The following ELAVL2 variants were observed in gnomAD, a reference collection of about 807,000 sequenced individuals.
ELAVL2 encodes the protein ELAV like RNA binding protein 2.
A neutral mutation model predicts 34.6 loss-of-function variants in ELAVL2; 4 were observed. The observed-to-expected ratio is 0.12, with a 90% CI of 0.06 to 0.26. The LOEUF is 0.26. Ranked by LOEUF, ELAVL2 falls within the 10% of genes least tolerant of loss-of-function variation. The pLI is 1.00. For synonymous variants in ELAVL2, 193 were observed against 154.8 expected (o/e 1.25, Z -1.83); for missense variants, 432 against 442.8 (o/e 0.98, Z 0.22).
chr9:23,745,251 G>A (rs550911900), intron 2 of ELAVL2, among the ~76,000 whole-genome samples: 1 of 152,072 alleles, frequency 6.6e-6, no homozygotes, highest in East Asian at 1.9e-4. Context: ...AACTATGGTA[G>A]ATTTTTACAA....
chr9:23,726,734 CATGA>C (rs2045285113), intron 3 of ELAVL2, among the ~76,000 whole-genome samples: 1 of 152,074 alleles, frequency 6.6e-6, no homozygotes, highest in Non-Finnish European at 1.5e-5. Flanking sequence ...GTTTGCTAAT[CATGA>C]ATTTAAGTCT....
chr9:23,698,122 T>C (rs1208749602), intron 5 of ELAVL2, among the ~76,000 whole-genome samples: 2 of 152,200 alleles, frequency 1.3e-5, no homozygotes, highest in Non-Finnish European at 2.9e-5. Flanking sequence ...TAAAGGCTCA[T>C]AGAAGCAGGC....
At chr9:23,724,042 C>T (rs1273040237) in intron 3 of ELAVL2, among the ~76,000 whole-genome samples, 1 of 152,146 alleles carries the variant, frequency 6.6e-6, no homozygotes, top group African/African-American at 2.4e-5. Context: ...ATGCTGGTTA[C>T]AGAAATGAAA....
chr9:23,830,891 G>T (rs540844624), upstream of ELAVL2, among the ~76,000 whole-genome samples: 1 of 151,832 alleles, frequency 6.6e-6, no homozygotes, highest in Admixed American at 6.6e-5. Flanking sequence ...GCGACTAGGC[G>T]AGGGTGAAGG....
intron 1 of ELAVL2, among the ~76,000 whole-genome samples, chr9:23,810,750 C>T (rs1370163138): frequency 1.1e-4 from 17 of 152,158 alleles, no homozygotes; most frequent in Admixed American, 1.0e-3. Context: ...CTCTGAGCTT[C>T]ATTTTCCTCA....
At chr9:23,749,361 C>G (rs1256342576) in intron 2 of ELAVL2, among the ~76,000 whole-genome samples, 18 of 152,174 alleles carry the variant, frequency 1.2e-4, no homozygotes, top group Non-Finnish European at 5.9e-5. Context: ...AACCAATTCT[C>G]TGCTGATTCA....
At position 23,767,513 on chromosome 9, in the gene ELAVL2, G is replaced by A. The variant is rs114595179; in HGVS notation, c.-15-5264C>T. ...CATCTTAAATAGGCCAGACTCGGCGGCTCACGTCTGTAATCCCAGCACTTT... is the reference window on the plus strand; with the variant it reads ...CATCTTAAATAGGCCAGACTCGGCGACTCACGTCTGTAATCCCAGCACTTT... On this transcript the variant is annotated intron_variant, in intron 1 of 6. Transcript: ENST00000397312. 2.0e-3 allele frequency among the ~76,000 whole-genome samples: 307 copies of A among 152,286 alleles called. 1 individual carries two copies. Among genetic ancestry groups the A allele is most frequent in the African/African-American group, 7.2e-3 (298 of 41,558 alleles).
intron 1 of ELAVL2, among the ~76,000 whole-genome samples, chr9:23,781,407 C>T (rs557019789): frequency 6.6e-6 from 1 of 152,138 alleles, no homozygotes; most frequent in Admixed American, 6.5e-5. Context: ...CATGTTTTCA[C>T]CAAACAGATC....
intron 1 of ELAVL2, chr9:23,779,332 A>G: frequency 1.0e-6 from 1 of 985,452 alleles, no homozygotes; most frequent in Non-Finnish European, 1.2e-6. Context: ...AACAAAGGCA[A>G]TTCCAGGGCC....
chr9:23,813,654 G>T (rs1588754423), intron 1 of ELAVL2, among the ~76,000 whole-genome samples: 2 of 152,248 alleles, frequency 1.3e-5, no homozygotes, highest in South Asian at 2.1e-4. Context: ...CAGGGGGGGA[G>T]GAGAGAAAAG....
the ELAVL2 span, among the ~76,000 whole-genome samples, chr9:23,839,422 T>C: frequency 6.6e-5 from 10 of 152,170 alleles, no homozygotes; most frequent in Admixed American, 6.6e-4. Flanking sequence ...GTCCAATTTA[T>C]TGGGCATGAG....
intron 3 of ELAVL2, among the ~76,000 whole-genome samples, chr9:23,723,134 C>T (rs534899305): frequency 1.2e-4 from 18 of 152,144 alleles, no homozygotes; most frequent in Non-Finnish European, 2.1e-4. Context: ...ATGTTTATTG[C>T]GGCACTATTC....
chr9:23,842,605 G>T, the ELAVL2 span, among the ~76,000 whole-genome samples: 1 of 152,012 alleles, frequency 6.6e-6, no homozygotes, highest in Non-Finnish European at 1.5e-5. Flanking sequence ...CACTCAAAGT[G>T]CATTTCTGAG....
intron 5 of ELAVL2, among the ~76,000 whole-genome samples, chr9:23,697,012 T>C (rs564557990): frequency 3.3e-5 from 5 of 152,130 alleles, no homozygotes; most frequent in African/African-American, 1.2e-4. Flanking sequence ...CAGTCCTGTG[T>C]ATCACCTGCC....
At chr9:23,803,595 A>C (rs930370116) in intron 1 of ELAVL2, among the ~76,000 whole-genome samples, 3 of 152,160 alleles carry the variant, frequency 2.0e-5, no homozygotes, top group Non-Finnish European at 4.4e-5. Context: ...AATTGTCCCA[A>C]GGCTGGCTCT....
At chr9:23,694,969 C>A (rs988282008) in intron 5 of ELAVL2, among the ~76,000 whole-genome samples, 1 of 152,002 alleles carries the variant, frequency 6.6e-6, no homozygotes, top group Non-Finnish European at 1.5e-5. Flanking sequence ...ATGTGATGAC[C>A]AAATAAAGAC....
rs2033158437 is a variant in ELAVL2 at position 23,691,503 on chromosome 9, T to C, written c.*1054A>G. Reference sequence around the variant, plus strand: ...TGAGCTCTATCTGAAGGGATTTCTTTAGGAAGAACAGATTTTTTCCCCCAT... The same window carrying C: ...TGAGCTCTATCTGAAGGGATTTCTTCAGGAAGAACAGATTTTTTCCCCCAT... On this transcript the variant is annotated 3_prime_UTR_variant, in exon 7 of 7. Coordinates refer to ENST00000397312, the MANE Select transcript of ELAVL2 (RefSeq NM_004432.5). The C allele has an allele frequency of 6.6e-6, 1 of 152,522 alleles. No individual in the cohort carries two copies. The highest frequency in any genetic ancestry group is 2.1e-4 in the South Asian group (1 of 4,802). 9.4% of individuals were successfully genotyped at this position (152,522 alleles called of 1,614,324 possible). A position where few individuals can be genotyped will look rare whatever the true frequency, so the allele number is the denominator to read the frequency against.
chr9:23,699,548 G>C lies in ELAVL2; in HGVS notation c.713+1831C>G, dbSNP rs139687723. Among the ~76,000 whole-genome samples the C allele has an allele frequency of 1.0e-3, 158 of 152,226 alleles. No individual in the cohort carries two copies. The Middle Eastern group carries it at 0.014, about 13-fold the overall frequency. On this transcript the variant is annotated intron_variant, in intron 5 of 6. Transcript: ENST00000397312. The stretch of plus-strand genomic sequence containing the variant: ...TCGAGATCATTTTCAAGGCCCCAAA[G>C]AGCTCTGAAATTAACTGGACAAGCT...
chr9:23,824,933 C>A (rs138167737), intron 1 of ELAVL2, among the ~76,000 whole-genome samples: 1 of 152,148 alleles, frequency 6.6e-6, no homozygotes, highest in Non-Finnish European at 1.5e-5. Flanking sequence ...GGTTCCCCCT[C>A]TCCCCGAAGG....
Sources: gnomAD v4.1 joint callset for allele counts (sites outside exome capture counted in the v4.1 genomes callset) on GRCh38, gnomAD v4.1.1 for gene constraint, MANE v1.5 for transcripts, NCBI Gene and HGNC (gene_info 2026-07-23, HGNC 2026-07-21) for gene names.